The following PCDH7 variants were observed in gnomAD, a reference collection of about 807,000 sequenced individuals.
PCDH7 encodes protocadherin 7, also known as protocadherin-7.
A neutral mutation model predicts 58.9 loss-of-function variants in PCDH7; 17 were observed. The observed-to-expected ratio is 0.29, with a 90% CI of 0.20 to 0.43. PCDH7 has a LOEUF of 0.43. PCDH7 is among the 20% of genes least tolerant of loss of function. The probability of loss-of-function intolerance (pLI) is 1.00; values close to 1 mark genes in which losing one functional copy is unlikely to be tolerated. For missense variants in PCDH7, 1,274 were observed against 1,441.0 expected, an observed-to-expected ratio of 0.88 and a Z score of 1.88; for synonymous variants, 664 against 616.4, an observed-to-expected ratio of 1.08 and a Z score of -1.14.
intron 1 of PCDH7, among the ~76,000 whole-genome samples, chr4:30,805,214 G>C (rs1032333616): frequency 6.6e-6 from 1 of 151,974 alleles, no homozygotes; most frequent in African/African-American, 2.4e-5. Context: ...TCACCATCCC[G>C]GACTTCTCCC....
At chr4:31,128,398 C>T (rs374501576) in intron 3 of PCDH7, among the ~76,000 whole-genome samples, 78 of 152,076 alleles carry the variant, frequency 5.1e-4, no homozygotes, top group Non-Finnish European at 2.8e-4. Context: ...ACATTGCCTA[C>T]AGTAGTTCTT....
rs1270891497 is a variant in PCDH7, at chr4:30,722,043, C to T, written c.621C>T (p.Pro207=). Residue 207 remains proline, a synonymous_variant, in exon 1 of 2, where the codon CCC becomes CCT. Transcript: ENST00000361762. This position sits in a 1 kb window ranked among gnomAD's most constrained non-coding sequence, Gnocchi z 7.6. ...GGGCGGCCGACAGCGCCCCCTACCC[C>T]GGGGGCGGCGGGAACGGCGCGAGCG... is the stretch of plus-strand genomic sequence containing the variant. 9 of 1,239,680 alleles carry T rather than the reference C, an allele frequency of 7.3e-6. No homozygotes were observed. Among genetic ancestry groups the T allele is most frequent in the Non-Finnish European group, 9.1e-6 (9 of 993,706 alleles). The allele number at this position is 1,239,680 out of a possible 1,614,324, so 76.8% of individuals were successfully genotyped here.
intron 3 of PCDH7, among the ~76,000 whole-genome samples, chr4:31,133,586 C>T (rs759972863): frequency 6.6e-5 from 10 of 152,148 alleles, no homozygotes; most frequent in South Asian, 2.1e-4. Flanking sequence ...TTCCTCTCCA[C>T]GCTGCTCCTT....
chr4:30,967,667 A>G (rs1749115536), intron 3 of PCDH7, among the ~76,000 whole-genome samples: 1 of 152,126 alleles, frequency 6.6e-6, no homozygotes, highest in Admixed American at 6.5e-5. Flanking sequence ...TTTATGTTAC[A>G]TTCAAACTAA....
At chr4:30,819,543 C>T (rs565728607) in intron 1 of PCDH7, among the ~76,000 whole-genome samples, 1 of 152,020 alleles carries the variant, frequency 6.6e-6, no homozygotes, top group Non-Finnish European at 1.5e-5. Flanking sequence ...ACTTCGTTGC[C>T]GTTTTGCTAA....
At chr4:31,075,639 C>T (rs939473071) in intron 3 of PCDH7, among the ~76,000 whole-genome samples, 1 of 152,110 alleles carries the variant, frequency 6.6e-6, no homozygotes, top group Non-Finnish European at 1.5e-5. Flanking sequence ...TTCATTACTC[C>T]TCTGATAATG....
chr4:31,047,400 G>A (rs1756375369), intron 3 of PCDH7, among the ~76,000 whole-genome samples: 2 of 151,902 alleles, frequency 1.3e-5, no homozygotes, highest in Admixed American at 1.3e-4. Flanking sequence ...TTAAATTCAG[G>A]AATCATAAAC....
intron 3 of PCDH7, among the ~76,000 whole-genome samples, chr4:31,116,498 G>A (rs1716999102): frequency 1.3e-5 from 2 of 152,144 alleles, no homozygotes; most frequent in Admixed American, 1.3e-4. Context: ...CTTGATCACT[G>A]TGGTGGCATT....
At chr4:30,874,193 G>A (rs996069516) in intron 1 of PCDH7, among the ~76,000 whole-genome samples, 2 of 151,900 alleles carry the variant, frequency 1.3e-5, no homozygotes, top group Admixed American at 1.3e-4. Flanking sequence ...TCCCATTACT[G>A]GGTATATACC....
chr4:30,742,376 T>C (rs1486919590), intron 1 of PCDH7, among the ~76,000 whole-genome samples: 2 of 152,222 alleles, frequency 1.3e-5, no homozygotes, highest in African/African-American at 4.8e-5. Context: ...AAGTGTCTGA[T>C]GTCTCCACTG....
chr4:30,906,883 C>T (rs557981893), intron 1 of PCDH7, among the ~76,000 whole-genome samples: 2 of 151,900 alleles, frequency 1.3e-5, no homozygotes, highest in East Asian at 2.0e-4. Context: ...ATTAGCTGGG[C>T]GTGGTGGCGG....
At chr4:30,916,932 G>A (rs1053418358) in intron 1 of PCDH7, among the ~76,000 whole-genome samples, 3 of 152,062 alleles carry the variant, frequency 2.0e-5, no homozygotes, top group Non-Finnish European at 2.9e-5. Context: ...TTTTTCACAA[G>A]TTCTCTGGGT....
intron 1 of PCDH7, among the ~76,000 whole-genome samples, chr4:30,739,455 G>A (rs1716789615): frequency 6.8e-6 from 1 of 147,916 alleles, no homozygotes; most frequent in African/African-American, 2.7e-5. Context: ...TTTTTAAATT[G>A]CATCTAAATC....
intron 1 of PCDH7, among the ~76,000 whole-genome samples, chr4:30,752,170 C>G (rs1414061034): frequency 1.3e-5 from 2 of 151,558 alleles, no homozygotes; most frequent in Admixed American, 6.6e-5. Context: ...CTCACTCTGT[C>G]GCACCCAGGC....
intron 3 of PCDH7, among the ~76,000 whole-genome samples, chr4:31,126,764 A>G (rs1718357725): frequency 6.6e-6 from 1 of 152,206 alleles, no homozygotes; most frequent in African/African-American, 2.4e-5. Context: ...AATGGTTAAT[A>G]TAGTTCACAT....
At chr4:31,050,093 C>T (rs990075434) in intron 3 of PCDH7, among the ~76,000 whole-genome samples, 8 of 152,012 alleles carry the variant, frequency 5.3e-5, no homozygotes, top group Non-Finnish European at 1.0e-4. Context: ...ACAGGAGGTG[C>T]AGGACTCAGC....
intron 1 of PCDH7, among the ~76,000 whole-genome samples, chr4:30,788,304 A>G (rs73121583): frequency 0.014 from 2,109 of 152,202 alleles, 55 homozygotes; most frequent in African/African-American, 0.048. Context: ...TGTAGTCACC[A>G]TGTGCCATAA....
intron 3 of PCDH7, among the ~76,000 whole-genome samples, chr4:31,031,088 GT>G (rs1369605693): frequency 6.6e-6 from 1 of 152,150 alleles, no homozygotes; most frequent in African/African-American, 2.4e-5. Context: ...GTTACAAGTG[GT>G]GGTAATATGA....
chr4:31,115,886 A>C (rs1241963904), intron 3 of PCDH7, among the ~76,000 whole-genome samples: 2 of 152,226 alleles, frequency 1.3e-5, no homozygotes, highest in Non-Finnish European at 1.5e-5. Flanking sequence ...AAAACAGATA[A>C]GAAAAACCTC....
Sources: allele counts gnomAD v4.1 joint callset (sites outside exome capture counted in the v4.1 genomes callset), GRCh38; gene constraint gnomAD v4.1.1; non-coding constraint Gnocchi (gnomAD v3.1); transcripts MANE v1.5; gene names NCBI Gene and HGNC (gene_info 2026-07-23, HGNC 2026-07-21).